PARD3B: variants seen among roughly 807,000 people sequenced by gnomAD.
PARD3B encodes the protein partitioning defective 3 homolog B.
PARD3B carries 103 observed loss-of-function variants against 130.2 expected under a neutral mutation model. That is an observed-to-expected ratio of 0.79 (90% CI 0.67 to 0.93). The LOEUF (loss-of-function observed/expected upper bound fraction) is 0.93, where lower values mean the gene tolerates loss of function less well. PARD3B is among the 40% of genes least tolerant of loss of function. PARD3B has a pLI of 0.00. For synonymous variants in PARD3B, 583 were observed against 553.2 expected (o/e 1.05, Z -0.76); for missense variants, 1,609 against 1,499.2 (o/e 1.07, Z -1.21).
chr2:204,942,196 A>C (rs555478843), intron 2 of PARD3B, among the ~76,000 whole-genome samples: 1 of 152,216 alleles, frequency 6.6e-6, no homozygotes, highest in East Asian at 1.9e-4. Flanking sequence ...AAAATGAATA[A>C]CTAAGACTAA....
chr2:205,041,870 C>G (rs1256960030), intron 3 of PARD3B, among the ~76,000 whole-genome samples: 3 of 152,074 alleles, frequency 2.0e-5, no homozygotes, highest in Non-Finnish European at 2.9e-5. Flanking sequence ...TCTTCAGGAC[C>G]TTGGTTTCAA....
intron 22 of PARD3B, among the ~76,000 whole-genome samples, chr2:205,614,849 G>A (rs1364764625): frequency 6.6e-6 from 1 of 152,106 alleles, no homozygotes; most frequent in Non-Finnish European, 1.5e-5. Flanking sequence ...AGACCAAGAT[G>A]ACAGCCCGTT....
chr2:204,881,385 G>C (rs1012749478), intron 2 of PARD3B, among the ~76,000 whole-genome samples: 1 of 152,098 alleles, frequency 6.6e-6, no homozygotes, highest in Non-Finnish European at 1.5e-5. Context: ...TTAATTGAAA[G>C]CTCTTTCTTC....
At position 204,699,235 on chromosome 2, in the gene PARD3B, A is replaced by G. The variant is rs369760131; in HGVS notation, c.222+12953A>G. Among the ~76,000 whole-genome samples, 148 of 152,220 alleles carry G rather than the reference A, an allele frequency of 9.7e-4. 1 individual carries two copies. Among genetic ancestry groups the G allele is most frequent in the African/African-American group, 3.5e-3 (147 of 41,554 alleles). On this transcript the variant is annotated intron_variant, in intron 2 of 22. Transcript: ENST00000406610. ...GACTCCCAGGGAGCCCTGGGCCCCT[A>G]AATGGGGCAGACTGGGGATATTTCT...
At chr2:205,497,316 G>A (rs1254594822) in intron 20 of PARD3B, among the ~76,000 whole-genome samples, 3 of 151,716 alleles carry the variant, frequency 2.0e-5, no homozygotes, top group Non-Finnish European at 4.4e-5. Flanking sequence ...CCAGAACCCT[G>A]TGCGAACTGT....
At chr2:204,575,049 T>C (rs2032188874) in intron 1 of PARD3B, among the ~76,000 whole-genome samples, 1 of 152,008 alleles carries the variant, frequency 6.6e-6, no homozygotes, top group Admixed American at 6.6e-5. Flanking sequence ...TTTTTCTGGC[T>C]GTCATAGCAA....
chr2:205,615,645 G>A lies in PARD3B; in HGVS notation c.3450G>A (p.Gln1150=), dbSNP rs2105807031. The change falls in exon 23 of 23, where the codon CAG becomes CAA. Residue 1150 remains glutamine, a synonymous_variant. Transcript: ENST00000406610. The stretch of plus-strand genomic sequence containing the variant: ...ACTACCCACCCCCGCCAGCTCCCCA[G>A]CACAAAGGACCCTTTCGACAAGACG... ...PQHYPPPPAP[Q]HKGPFRQDVP... is the part of the protein sequence containing the mutation. The A allele has an allele frequency of 3.7e-6, 6 of 1,613,840 alleles. No individual in the cohort carries two copies. The highest frequency in any genetic ancestry group is 1.6e-4 in the Middle Eastern group (1 of 6,062).
At chr2:205,035,483 A>G (rs1264121840) in intron 3 of PARD3B, among the ~76,000 whole-genome samples, 2 of 151,940 alleles carry the variant, frequency 1.3e-5, no homozygotes, top group East Asian at 1.9e-4. Context: ...TGAGTGAACA[A>G]ATCTTCCATA....
intron 2 of PARD3B, among the ~76,000 whole-genome samples, chr2:204,905,285 G>A (rs938720810): frequency 6.6e-6 from 1 of 152,186 alleles, no homozygotes; most frequent in African/African-American, 2.4e-5. Flanking sequence ...TTACCAAACT[G>A]TGTAGCAGAA....
At chr2:204,596,521 G>C (rs185434465) in intron 1 of PARD3B, among the ~76,000 whole-genome samples, 8 of 152,222 alleles carry the variant, frequency 5.3e-5, no homozygotes, top group Non-Finnish European at 8.8e-5. Flanking sequence ...ACCTTCTTTT[G>C]CTGCCTTTAG....
intron 20 of PARD3B, among the ~76,000 whole-genome samples, chr2:205,477,889 C>T (rs576215826): frequency 6.8e-6 from 1 of 146,428 alleles, no homozygotes; most frequent in South Asian, 2.1e-4. Context: ...AACCTTGGCA[C>T]AAAGGCCAAC....
chr2:204,779,727 G>A (rs779693381), intron 2 of PARD3B, among the ~76,000 whole-genome samples: 1 of 152,206 alleles, frequency 6.6e-6, no homozygotes, highest in Admixed American at 6.5e-5. Context: ...GTAAGTGGTA[G>A]AGTGGATGGT....
chr2:205,489,581 T>C lies in PARD3B; in HGVS notation c.3045-10315T>C, dbSNP rs868554967. On this transcript the variant is annotated intron_variant, in intron 20 of 22. Coordinates refer to ENST00000406610, the MANE Select transcript of PARD3B (RefSeq NM_001302769.2). ...ATACATATATATACACACACACACA[T>C]ATATATGGCACTGTGTTGGAAGAAC... 8.5e-4 allele frequency among the ~76,000 whole-genome samples: 126 copies of C among 147,592 alleles called. 1 individual carries two copies. Among genetic ancestry groups the C allele is most frequent in the Middle Eastern group, 3.5e-3 (1 of 284 alleles).
At chr2:205,130,688 A>T (rs2031914623) in intron 10 of PARD3B, among the ~76,000 whole-genome samples, 2 of 152,200 alleles carry the variant, frequency 1.3e-5, no homozygotes, top group African/African-American at 4.8e-5. Flanking sequence ...AAATGAGCTT[A>T]AAAAATTTCA....
intron 2 of PARD3B, among the ~76,000 whole-genome samples, chr2:204,730,001 AC>A (rs1313377019): frequency 2.8e-4 from 32 of 112,952 alleles, no homozygotes; most frequent in African/African-American, 1.5e-3. Flanking sequence ...ACACACAAAC[AC>A]ACACACACAC....
chr2:205,178,215 C>A (rs2035587013), intron 13 of PARD3B, among the ~76,000 whole-genome samples: 1 of 80,022 alleles, frequency 1.2e-5, no homozygotes, highest in African/African-American at 4.5e-5. Flanking sequence ...GTAATCCCAG[C>A]TACTATGGGG....
In PARD3B at chr2:205,562,503, G is replaced by A. The variant is rs1050933360; in HGVS notation, c.3260+9100G>A. ...AGGAAGAGTATGTGCCTGCTCTTTC[G>A]AGAGTGCCAAATCTGACATTACCTT... On this transcript the variant is annotated intron_variant, in intron 22 of 22. Coordinates refer to ENST00000406610, the MANE Select transcript of PARD3B (RefSeq NM_001302769.2). The surrounding 1 kb of genome is among the most constrained non-coding windows in gnomAD (Gnocchi z 5.4). Among the ~76,000 whole-genome samples the A allele has an allele frequency of 2.0e-5, 3 of 152,088 alleles. No homozygotes were observed. Among genetic ancestry groups the A allele is most frequent in the East Asian group, 1.9e-4 (1 of 5,198 alleles).
chr2:205,605,385 G>T (rs2054948481), intron 22 of PARD3B, among the ~76,000 whole-genome samples: 1 of 152,136 alleles, frequency 6.6e-6, no homozygotes, highest in African/African-American at 2.4e-5. Flanking sequence ...GCTGGCCTTT[G>T]GATGGGGTTT....
chr2:204,998,307 T>G (rs1694421598), intron 3 of PARD3B, among the ~76,000 whole-genome samples: 1 of 109,456 alleles, frequency 9.1e-6, no homozygotes, highest in Admixed American at 1.0e-4. Flanking sequence ...ATCCCAGAAC[T>G]TAAAGTATAT....
Sources: gnomAD v4.1 joint callset for allele counts (sites outside exome capture counted in the v4.1 genomes callset) on GRCh38, gnomAD v4.1.1 for gene constraint, Gnocchi (gnomAD v3.1) non-coding constraint, MANE v1.5 for transcripts, NCBI Gene and HGNC (gene_info 2026-07-23, HGNC 2026-07-21) for gene names.